Variants in MOB3B observed in about 807,000 individuals in gnomAD.
The protein encoded by MOB3B is MOB kinase activator-like 2B.
MOB3B carries 7 observed loss-of-function variants against 18.7 expected under a neutral mutation model. The observed-to-expected ratio is 0.37, with a 90% CI of 0.21 to 0.70. MOB3B has a LOEUF of 0.70. Among genes scored for constraint, MOB3B ranks in the 30% least tolerant of loss-of-function variants. The pLI is 0.52. For synonymous variants in MOB3B, 111 were observed against 99.9 expected, an observed-to-expected ratio of 1.11 and a Z score of -0.66; for missense variants, 253 against 281.3, an observed-to-expected ratio of 0.90 and a Z score of 0.72.
chr9:27,528,777 C>T (rs998688586), intron 1 of MOB3B, among the ~76,000 whole-genome samples: 2 of 144,374 alleles, frequency 1.4e-5, no homozygotes, highest in Admixed American at 6.8e-5. Context: ...GGAAAGAGCG[C>T]GAGGGGGGGG....
At chr9:27,518,445 A>G (rs1429726539) in intron 1 of MOB3B, among the ~76,000 whole-genome samples, 1 of 152,226 alleles carries the variant, frequency 6.6e-6, no homozygotes, top group Non-Finnish European at 1.5e-5. Context: ...TTCGGGCTCA[A>G]AAGGACCCAG....
At chr9:27,468,652 T>G (rs1194472084) in intron 1 of MOB3B, among the ~76,000 whole-genome samples, 1 of 152,188 alleles carries the variant, frequency 6.6e-6, no homozygotes, top group African/African-American at 2.4e-5. Flanking sequence ...CACCCTAGAC[T>G]TCACTGCATC....
At chr9:27,401,428 C>T (rs909472202) in intron 2 of MOB3B, among the ~76,000 whole-genome samples, 6 of 152,192 alleles carry the variant, frequency 3.9e-5, no homozygotes, top group Non-Finnish European at 7.3e-5. Context: ...AGTCAGTGTC[C>T]ACCCTGGTCC....
At chr9:27,525,296 G>C (rs1231676843) in intron 1 of MOB3B, among the ~76,000 whole-genome samples, 2 of 152,192 alleles carry the variant, frequency 1.3e-5, no homozygotes, top group East Asian at 1.9e-4. Context: ...ACAATGGCTA[G>C]AGGATAGGGA....
At chr9:27,447,718 T>A (rs1005242915) in intron 2 of MOB3B, among the ~76,000 whole-genome samples, 3 of 152,166 alleles carry the variant, frequency 2.0e-5, no homozygotes, top group African/African-American at 7.2e-5. Flanking sequence ...CAGGGGTGGT[T>A]ATTTAACACT....
At chr9:27,338,429 T>G (rs1820893001) in intron 3 of MOB3B, among the ~76,000 whole-genome samples, 1 of 152,098 alleles carries the variant, frequency 6.6e-6, no homozygotes, top group Non-Finnish European at 1.5e-5. Flanking sequence ...TGCTAAGAAT[T>G]TGCCCTGGCA....
At chr9:27,369,896 T>C (rs1821391169) in intron 2 of MOB3B, among the ~76,000 whole-genome samples, 1 of 151,588 alleles carries the variant, frequency 6.6e-6, no homozygotes, top group Admixed American at 6.6e-5. Flanking sequence ...CACCCGCTGC[T>C]TCTTCCATGA....
chr9:27,343,212 A>T (rs1161865249), intron 3 of MOB3B, among the ~76,000 whole-genome samples: 1 of 151,472 alleles, frequency 6.6e-6, no homozygotes, highest in East Asian at 1.9e-4. Context: ...TGCTGTGTCC[A>T]CTCAGGGTTA....
intron 1 of MOB3B, among the ~76,000 whole-genome samples, chr9:27,478,483 T>C (rs938475850): frequency 3.3e-5 from 5 of 152,020 alleles, no homozygotes; most frequent in African/African-American, 4.8e-5. Flanking sequence ...AAAAAAGAAC[T>C]AATTTGAATT....
intron 2 of MOB3B, among the ~76,000 whole-genome samples, chr9:27,441,320 T>C (rs1379965860): frequency 6.6e-6 from 1 of 152,172 alleles, no homozygotes; most frequent in African/African-American, 2.4e-5. Flanking sequence ...TAGCCTACAA[T>C]TTTTTTCTTT....
rs1820364313 is a variant in MOB3B, at chr9:27,523,007, C to G, written c.-199+6548G>C. Among the ~76,000 whole-genome samples, 3 of 152,122 alleles carry G rather than the reference C, an allele frequency of 2.0e-5. No individual in the cohort carries two copies. In the South Asian group the frequency reaches 6.2e-4, roughly 32 times the overall value. ...ACCCACAATTAGCCTTTGGTGCAGT[C>G]AACTGATTTAGACAAGAACTTTTTA... On this transcript the variant is annotated intron_variant, in intron 1 of 3. Coordinates refer to ENST00000262244, the MANE Select transcript of MOB3B (RefSeq NM_024761.5).
intron 3 of MOB3B, among the ~76,000 whole-genome samples, chr9:27,357,079 C>A: frequency 8.0e-6 from 1 of 124,824 alleles, no homozygotes; most frequent in African/African-American, 2.8e-5. Flanking sequence ...TCAAGTGTAA[C>A]CCAAAAAGTC....
At chr9:27,426,847 C>T (rs1019381729) in intron 2 of MOB3B, among the ~76,000 whole-genome samples, 4 of 152,182 alleles carry the variant, frequency 2.6e-5, no homozygotes, top group African/African-American at 9.7e-5. Flanking sequence ...ACCTCCACCC[C>T]CATGTGCTTA....
chr9:27,473,379 GAGC>G (rs1296621747), intron 1 of MOB3B, among the ~76,000 whole-genome samples: 2 of 152,112 alleles, frequency 1.3e-5, no homozygotes, highest in Non-Finnish European at 2.9e-5. Context: ...CCTGTTTGGA[GAGC>G]CACGCTCCTA....
intron 2 of MOB3B, among the ~76,000 whole-genome samples, chr9:27,382,834 A>G (rs1821598160): frequency 6.6e-6 from 1 of 151,876 alleles, no homozygotes; most frequent in African/African-American, 2.4e-5. Context: ...CCTCTCCCCT[A>G]CCCAATCCAA....
intron 2 of MOB3B, among the ~76,000 whole-genome samples, chr9:27,404,383 G>A (rs1290054845): frequency 2.1e-5 from 2 of 97,060 alleles, no homozygotes; most frequent in African/African-American, 8.5e-5. Context: ...TTGAGACAGA[G>A]TCTCGTTCTG....
chr9:27,391,672 A>G (rs1821730189), intron 2 of MOB3B: 1 of 152,264 alleles, frequency 6.6e-6, no homozygotes, highest in Non-Finnish European at 1.5e-5. Context: ...GCTGGAATTT[A>G]TAGCACAGCC....
intron 1 of MOB3B, among the ~76,000 whole-genome samples, chr9:27,480,828 T>G (rs1462101210): frequency 6.6e-6 from 1 of 151,850 alleles, no homozygotes; most frequent in Non-Finnish European, 1.5e-5. Flanking sequence ...AAAGAAGGAA[T>G]TTTAAGGATG....
chr9:27,425,396 A>T (rs1563865626), intron 2 of MOB3B, among the ~76,000 whole-genome samples: 1 of 140,886 alleles, frequency 7.1e-6, no homozygotes, highest in Non-Finnish European at 1.6e-5. Context: ...AAAACAAAAC[A>T]ACAACAACAA....
Sources: allele counts gnomAD v4.1 joint callset (sites outside exome capture counted in the v4.1 genomes callset), GRCh38; gene constraint gnomAD v4.1.1; transcripts MANE v1.5; gene names NCBI Gene and HGNC (gene_info 2026-07-23, HGNC 2026-07-21).